Variants in ADCY2 observed in about 807,000 individuals in gnomAD.
ADCY2 encodes adenylate cyclase type 2.
Under a neutral mutation model 125.2 loss-of-function variants are expected in ADCY2, and 31 were observed. The observed-to-expected ratio is 0.25, with a 90% confidence interval of 0.19 to 0.33. The LOEUF is 0.33. Among genes scored for constraint, ADCY2 ranks in the 10% least tolerant of loss-of-function variants. The pLI, the probability that ADCY2 is intolerant of heterozygous loss-of-function variation, is 1.00. For missense variants in ADCY2, 904 were observed against 1,418.2 expected (o/e 0.64, Z 5.82); for synonymous variants, 512 against 548.4 (o/e 0.93, Z 0.93).
chr5:7,454,308 T>C (rs1457515634), intron 2 of ADCY2, among the ~76,000 whole-genome samples: 1 of 152,228 alleles, frequency 6.6e-6, no homozygotes, highest in Admixed American at 6.5e-5. Flanking sequence ...CTATTTAGGC[T>C]ATAGTATAGT....
chr5:7,737,701 A>G (rs991479192), intron 14 of ADCY2, among the ~76,000 whole-genome samples: 2 of 152,200 alleles, frequency 1.3e-5, no homozygotes, highest in Non-Finnish European at 2.9e-5. Context: ...AAGAATCTCT[A>G]TGAACATCAA....
intron 4 of ADCY2, among the ~76,000 whole-genome samples, chr5:7,647,001 A>T (rs527282435): frequency 6.6e-6 from 1 of 152,128 alleles, no homozygotes; most frequent in African/African-American, 2.4e-5. Flanking sequence ...GATGTGTTCA[A>T]TCTGAACCAG....
At chr5:7,809,082 A>G (rs1384249337) in intron 22 of ADCY2, among the ~76,000 whole-genome samples, 1 of 151,462 alleles carries the variant, frequency 6.6e-6, no homozygotes, top group Non-Finnish European at 1.5e-5. Context: ...AAAATACTTA[A>G]TCGACTCCAT....
chr5:7,513,614 A>C (rs1295710833), intron 2 of ADCY2, among the ~76,000 whole-genome samples: 1 of 152,208 alleles, frequency 6.6e-6, no homozygotes. Flanking sequence ...ACCATTAAGA[A>C]TGCTCAATTA....
rs1741282025 is a variant in ADCY2 at position 7,706,840 on chromosome 5, A to G, written c.1206A>G (p.Gln402=). 4 of 1,614,098 alleles carry G rather than the reference A, an allele frequency of 2.5e-6. No homozygotes were observed. Among genetic ancestry groups the G allele is most frequent in the Admixed American group, 1.7e-5 (1 of 60,010 alleles). Residue 402 remains glutamine, a synonymous_variant, in exon 8 of 25, where the codon CAA becomes CAG. Coordinates refer to ENST00000338316, the MANE Select transcript of ADCY2 (RefSeq NM_020546.3). ...LCGVIGLQKW[Q]YDVWSHDVTL... The stretch of plus-strand genomic sequence containing the variant: ...GCGTGATTGGTCTGCAGAAGTGGCA[A>G]TATGATGTGTGGTCACATGATGTGA...
intron 4 of ADCY2, among the ~76,000 whole-genome samples, chr5:7,650,821 T>C (rs571378560): frequency 3.3e-5 from 5 of 152,172 alleles, no homozygotes; most frequent in East Asian, 1.9e-4. Context: ...CCTAACAAAA[T>C]GGAATTGAGC....
chr5:7,804,040 A>AAGAGAGAGAGAGAGAGAGAG (rs57193249), intron 21 of ADCY2, among the ~76,000 whole-genome samples: 11,749 of 105,386 alleles, frequency 0.11, 1,569 homozygotes, highest in Middle Eastern at 0.17. Context: ...GGAGGGGGGA[A>AAGAGAGAGAGAGAGAGAGAG]AGAGAGAGAG....
At chr5:7,702,698 G>A (rs1741129526) in intron 7 of ADCY2, among the ~76,000 whole-genome samples, 1 of 152,204 alleles carries the variant, frequency 6.6e-6, no homozygotes, top group African/African-American at 2.4e-5. Flanking sequence ...ACGTGTGCAT[G>A]CGTCTTTATA....
At chr5:7,636,896 G>A (rs1011616844) in intron 4 of ADCY2, among the ~76,000 whole-genome samples, 1 of 152,098 alleles carries the variant, frequency 6.6e-6, no homozygotes, top group South Asian at 2.1e-4. Context: ...CAGGAGGTGC[G>A]GAAGCCATGC....
At chr5:7,607,470 C>T (rs942581704) in intron 3 of ADCY2, among the ~76,000 whole-genome samples, 7 of 152,198 alleles carry the variant, frequency 4.6e-5, no homozygotes, top group Admixed American at 6.5e-5. Context: ...GGAGTGGGCT[C>T]CAGGCCCGTG....
At chr5:7,436,131 A>G (rs1740790784) in intron 2 of ADCY2, among the ~76,000 whole-genome samples, 2 of 152,238 alleles carry the variant, frequency 1.3e-5, no homozygotes, top group Non-Finnish European at 2.9e-5. Flanking sequence ...TAAATACAGT[A>G]TCTTTAAACA....
rs746675208 is a variant in ADCY2 at position 7,757,606 on chromosome 5, C to A, written c.2094+20C>A. 6.2e-7 allele frequency: 1 copy of A among 1,606,280 alleles called. No homozygotes were observed. Among genetic ancestry groups the A allele is most frequent in the Non-Finnish European group, 8.5e-7 (1 of 1,174,682 alleles). On this transcript the variant is annotated intron_variant, in intron 16 of 24. Transcript: ENST00000338316. ...AACATGGTAAGTCCCAGAGCACGGCCGTGTTCAACATGGTAAGCCCCAGAG... is the reference window on the plus strand; with the variant it reads ...AACATGGTAAGTCCCAGAGCACGGCAGTGTTCAACATGGTAAGCCCCAGAG...
Position 7,520,839 on chromosome 5 carries a change from C to T in ADCY2, c.510C>T (p.Thr170=). The T allele has an allele frequency of 6.2e-7, 1 of 1,614,202 alleles. No individual in the cohort carries two copies. Among genetic ancestry groups the T allele is most frequent in the African/African-American group, 1.3e-5 (1 of 75,048 alleles). Residue 170 remains threonine, a synonymous_variant, in exon 3 of 25, where the codon ACC becomes ACT. Transcript: ENST00000338316. ...IASVLTSSSH[T]IVLSVCLSAT... is the part of the protein sequence containing the mutation. ...GCGTCCTCACCTCCTCCTCCCACAC[C>T]ATCGTGCTTAGCGTCTGCCTGTCTG...
rs576006679 is a variant in ADCY2 at position 7,778,997 on chromosome 5, G to A, written c.2385-5368G>A. ...TCAAGTTAATATTGAAAATATTTTC[G>A]ATTCCTTTCAGATTTACCATCTCAG... On this transcript the variant is annotated intron_variant, in intron 18 of 24. Transcript: ENST00000338316. Among the ~76,000 whole-genome samples, 6 of 152,150 alleles carry A rather than the reference G, an allele frequency of 3.9e-5. No homozygotes were observed. In the East Asian group the frequency reaches 1.2e-3, roughly 29 times the overall value.
At chr5:7,613,770 G>A (rs911183044) in intron 3 of ADCY2, among the ~76,000 whole-genome samples, 3 of 152,298 alleles carry the variant, frequency 2.0e-5, no homozygotes, top group African/African-American at 7.2e-5. Flanking sequence ...CAGCCATCCT[G>A]AGCCTCATCT....
At chr5:7,612,974 C>T (rs1737618969) in intron 3 of ADCY2, among the ~76,000 whole-genome samples, 1 of 152,076 alleles carries the variant, frequency 6.6e-6, no homozygotes, top group African/African-American at 2.4e-5. Flanking sequence ...TGAGATTGCA[C>T]CACTGCACTC....
At chr5:7,556,697 G>A (rs1230653448) in intron 3 of ADCY2, among the ~76,000 whole-genome samples, 1 of 152,190 alleles carries the variant, frequency 6.6e-6, no homozygotes, top group Non-Finnish European at 1.5e-5. Flanking sequence ...CAGCAGGCGA[G>A]CTCGCTTTAC....
intron 3 of ADCY2, among the ~76,000 whole-genome samples, chr5:7,602,782 G>T (rs537605300): frequency 6.6e-6 from 1 of 152,238 alleles, no homozygotes; most frequent in African/African-American, 2.4e-5. Flanking sequence ...TAACAGAAGC[G>T]TATCCTACAG....
In ADCY2 at chr5:7,424,997, A is replaced by G. The variant is rs6880123; in HGVS notation, c.408+10227A>G. Among the ~76,000 whole-genome samples, 480 of 152,268 alleles carry G rather than the reference A, an allele frequency of 3.2e-3. 1 individual carries two copies. The highest frequency in any genetic ancestry group is 0.011 in the African/African-American group (456 of 41,554). ...GGAAGGGCATTCACTAGGATGCCAC[A>G]CAGGGTTCAATCCAGCCACTCGCCA... On this transcript the variant is annotated intron_variant, in intron 2 of 24. Transcript: ENST00000338316.
Sources: gnomAD v4.1 joint callset for allele counts (sites outside exome capture counted in the v4.1 genomes callset) on GRCh38, gnomAD v4.1.1 for gene constraint, MANE v1.5 for transcripts, NCBI Gene and HGNC (gene_info 2026-07-23, HGNC 2026-07-21) for gene names.